NECTIN2: variants seen among roughly 807,000 people sequenced by gnomAD.
NECTIN2 encodes nectin cell adhesion molecule 2.
NECTIN2 carries 23 observed loss-of-function variants against 56.9 expected under a neutral mutation model. The ratio of observed to expected loss-of-function variants is 0.40; its 90% CI spans 0.29 to 0.57. NECTIN2 has a LOEUF of 0.57. NECTIN2 is among the 20% of genes least tolerant of loss of function. NECTIN2 has a pLI of 0.38. For synonymous variants in NECTIN2, 302 were observed against 313.8 expected (o/e 0.96, Z 0.40); for missense variants, 587 against 718.3 (o/e 0.82, Z 2.09).
Position 44,886,470 on chromosome 19 carries a change from C to T in NECTIN2, c.1347+251C>T, listed in dbSNP as rs567906623. 2.7e-3 allele frequency among the ~76,000 whole-genome samples: 410 copies of T among 152,286 alleles called. 3 individuals are homozygous for T. The South Asian group carries it at 0.032, about 12-fold the overall frequency. On this transcript the variant is annotated intron_variant, in intron 8 of 8. Coordinates refer to ENST00000252483, the MANE Select transcript of NECTIN2 (RefSeq NM_001042724.2). ...GCACGGTGGCTCACGCCTATAATCC[C>T]AGCACTTTGGGAGGCCAAGGCAGGA...
intron 8 of NECTIN2, among the ~76,000 whole-genome samples, 157 bp downstream of exon 8, chr19:44,886,376 C>T (rs527428691): frequency 2.4e-3 from 360 of 152,256 alleles, no homozygotes; most frequent in Non-Finnish European, 4.1e-3. Context: ...TTCAGGATTC[C>T]ATGGGGGAGG....
At chr19:44,853,607 G>A (rs1171223755) in intron 1 of NECTIN2, among the ~76,000 whole-genome samples, 1 of 151,346 alleles carries the variant, frequency 6.6e-6, no homozygotes, top group Non-Finnish European at 1.5e-5. Flanking sequence ...TCCTGCCTCA[G>A]CCTCCTGAAT....
At chr19:44,850,458 A>AAACAGAG (rs1568585815) in intron 1 of NECTIN2, among the ~76,000 whole-genome samples, 2 of 152,126 alleles carry the variant, frequency 1.3e-5, no homozygotes. Flanking sequence ...CAGCCTGGGC[A>AAACAGAG]ACACGGCGAA....
chr19:44,882,587 C>A (rs1457953564), intron 6 of NECTIN2, among the ~76,000 whole-genome samples: 1 of 151,126 alleles, frequency 6.6e-6, no homozygotes, highest in Non-Finnish European at 1.5e-5. Context: ...GTGGCTTACA[C>A]CTGCCATCCC....
chr19:44,873,435 C>T (rs1969200228), intron 3 of NECTIN2, among the ~76,000 whole-genome samples: 1 of 152,130 alleles, frequency 6.6e-6, no homozygotes, highest in Admixed American at 6.5e-5. Context: ...GAGTTCGGGA[C>T]TAGCCTGGGC....
intron 8 of NECTIN2, 105 bp downstream of exon 8, chr19:44,886,324 CA>C: frequency 1.1e-6 from 1 of 904,040 alleles, no homozygotes; most frequent in Non-Finnish European, 1.7e-6. Context: ...AACTCAAGGT[CA>C]AGGGTGTGTC....
intron 1 of NECTIN2, among the ~76,000 whole-genome samples, chr19:44,851,028 C>T (rs575831327): frequency 1.2e-4 from 18 of 152,208 alleles, no homozygotes; most frequent in African/African-American, 4.1e-4. Context: ...GCTTCAGGCC[C>T]CGCCTCCCTC....
chr19:44,859,846 A>G (rs1969011915), intron 1 of NECTIN2, among the ~76,000 whole-genome samples: 2 of 150,734 alleles, frequency 1.3e-5, no homozygotes, highest in African/African-American at 4.9e-5. Flanking sequence ...AAAAAAGGTG[A>G]GAAACCACTT....
chr19:44,846,512 C>T lies in NECTIN2; in HGVS notation c.-14C>T. 1 of 1,501,932 alleles carries T rather than the reference C, an allele frequency of 6.7e-7. No homozygotes were observed. The highest frequency in any genetic ancestry group is 8.8e-7 in the Non-Finnish European group (1 of 1,133,092). The allele number at this position is 1,501,932 out of a possible 1,614,324, so 93.0% of individuals were successfully genotyped here. The stretch of plus-strand genomic sequence containing the variant: ...CGGGCCTCCGGCCGGGCCCAGTCCC[C>T]TCCCGGGCCCTCCATGGCCCGGGCC... On this transcript the variant is annotated 5_prime_UTR_variant, in exon 1 of 9. Transcript: ENST00000252483.
chr19:44,858,134 A>G (rs1390460547), intron 1 of NECTIN2, among the ~76,000 whole-genome samples: 1 of 152,134 alleles, frequency 6.6e-6, no homozygotes, highest in African/African-American at 2.4e-5. Flanking sequence ...CGCATAGCTC[A>G]GACTGATCTG....
At chr19:44,870,019 G>C (rs11879589) in intron 2 of NECTIN2, among the ~76,000 whole-genome samples, 4 of 152,044 alleles carry the variant, frequency 2.6e-5, no homozygotes, top group Non-Finnish European at 5.9e-5. Context: ...GCAGAAGTAA[G>C]GAACAAAACA....
rs1969178430 is a variant in NECTIN2 at position 44,871,880 on chromosome 19, A to C, written c.506A>C (p.Gln169Pro). The C allele has an allele frequency of 6.2e-7, 1 of 1,613,826 alleles. No individual in the cohort carries two copies. The highest frequency in any genetic ancestry group is 8.5e-7 in the Non-Finnish European group (1 of 1,179,744). Residue 169 changes from glutamine to proline, a missense_variant, in exon 3 of 9, where the codon CAG becomes CCG. Gln to Pro is a moderately conservative substitution (Grantham distance 76, BLOSUM62 -1). Transcript: ENST00000252483. Reference protein sequence around the residue: ...IAKPKNQAEAQKVTFSQDPTT... With the variant: ...IAKPKNQAEAPKVTFSQDPTT... ...AAGCCCAAGAACCAAGCTGAGGCCC[A>C]GAAGGTCACGTTCAGCCAGGACCCT...
Position 44,865,302 on chromosome 19 carries a change from C to G in NECTIN2, c.120C>G (p.Pro40=), listed in dbSNP as rs577471280. 2 of 1,613,342 alleles carry G rather than the reference C, an allele frequency of 1.2e-6. No homozygotes were observed. The highest frequency in any genetic ancestry group is 1.3e-5 in the African/African-American group (1 of 74,900). The change falls in exon 2 of 9, where the codon CCC becomes CCG. Residue 40 remains proline, a synonymous_variant. Transcript: ENST00000252483. This position sits in a 1 kb window ranked among gnomAD's most constrained non-coding sequence, Gnocchi z 5.2. Reference sequence around the variant, plus strand: ...AGGATGTGCGAGTTCAAGTGCTACCCGAGGTGCGAGGCCAGCTCGGGGGCA... The same window carrying G: ...AGGATGTGCGAGTTCAAGTGCTACCGGAGGTGCGAGGCCAGCTCGGGGGCA... ...GAQDVRVQVL[P]EVRGQLGGTV... is the part of the protein sequence containing the mutation.
At chr19:44,881,107 GATGAGGTCTTGTGCT>G (rs1969303014) in intron 5 of NECTIN2, among the ~76,000 whole-genome samples, 1 of 151,492 alleles carries the variant, frequency 6.6e-6, no homozygotes, top group Non-Finnish European at 1.5e-5. Flanking sequence ...TTTTTCTAGA[GATGAGGTCTTGTGCT>G]CGTTGCCCTG....
rs539770918 is a variant in NECTIN2, at chr19:44,865,688, G to A, written c.478+28G>A. On this transcript the variant is annotated intron_variant, in intron 2 of 8. Coordinates refer to ENST00000252483, the MANE Select transcript of NECTIN2 (RefSeq NM_001042724.2). The surrounding 1 kb of genome is among the most constrained non-coding windows in gnomAD (Gnocchi z 5.2). The stretch of plus-strand genomic sequence containing the variant: ...GAGCAGGGTAAGGGCGGGAGGCAAG[G>A]AGGTGGGAGGGCCGCGGTGTGGGAG... The A allele has an allele frequency of 5.4e-6, 8 of 1,485,260 alleles. No individual in the cohort carries two copies. Among genetic ancestry groups the A allele is most frequent in the Admixed American group, 2.1e-5 (1 of 46,924 alleles). 92.0% of individuals were successfully genotyped at this position (1,485,260 alleles called of 1,614,324 possible). A position where few individuals can be genotyped will look rare whatever the true frequency, so the allele number is the denominator to read the frequency against.
chr19:44,880,042 C>T (rs879555859), intron 5 of NECTIN2, among the ~76,000 whole-genome samples: 1 of 152,222 alleles, frequency 6.6e-6, no homozygotes, highest in South Asian at 2.1e-4. Flanking sequence ...GGCTGTGGAA[C>T]GGGAGCAGTG....
At chr19:44,858,514 G>A (rs1156338962) in intron 1 of NECTIN2, among the ~76,000 whole-genome samples, 2 of 151,912 alleles carry the variant, frequency 1.3e-5, no homozygotes, top group Admixed American at 6.6e-5. Flanking sequence ...GTAGAGACGG[G>A]GTTTCACCAT....
intron 1 of NECTIN2, among the ~76,000 whole-genome samples, chr19:44,855,591 G>C (rs576541903): frequency 6.6e-6 from 1 of 152,128 alleles, no homozygotes; most frequent in East Asian, 1.9e-4. Context: ...AGCCTCTTCA[G>C]GTTCCTCCCA....
Position 44,871,759 on chromosome 19 carries a change from G to C in NECTIN2, c.479-94G>C, listed in dbSNP as rs954340333. Reference sequence around the variant, plus strand: ...GCAGCAGAGCTGGGATTGGAACCCCGGCAGTTAGGGCCTAACCACCCTGCT... The same window carrying C: ...GCAGCAGAGCTGGGATTGGAACCCCCGCAGTTAGGGCCTAACCACCCTGCT... On this transcript the variant is annotated intron_variant, in intron 2 of 8. Transcript: ENST00000252483. 1.2e-5 allele frequency: 17 copies of C among 1,374,734 alleles called. No homozygotes were observed. The Admixed American group carries it at 3.8e-4, about 31-fold the overall frequency. 85.2% of individuals were successfully genotyped at this position (1,374,734 alleles called of 1,614,324 possible). A position where few individuals can be genotyped will look rare whatever the true frequency, so the allele number is the denominator to read the frequency against.
Sources: gnomAD v4.1 joint callset for allele counts (sites outside exome capture counted in the v4.1 genomes callset) on GRCh38, gnomAD v4.1.1 for gene constraint, Gnocchi (gnomAD v3.1) non-coding constraint, MANE v1.5 for transcripts, NCBI Gene and HGNC (gene_info 2026-07-23, HGNC 2026-07-21) for gene names.